Variants in SLIT2 observed in about 807,000 individuals in gnomAD.
The protein encoded by SLIT2 is slit guidance ligand 2, also known as slit homolog 2 protein.
In SLIT2, 41 loss-of-function variants were observed where a neutral mutation model predicts 185.7. The observed-to-expected ratio is 0.22, with a 90% CI of 0.17 to 0.29. SLIT2 has a LOEUF of 0.29. Among genes scored for constraint, SLIT2 ranks in the 10% least tolerant of loss-of-function variants. The probability of loss-of-function intolerance (pLI) is 1.00; values close to 1 mark genes in which losing one functional copy is unlikely to be tolerated. For missense variants in SLIT2, 1,571 were observed against 1,909.0 expected (o/e 0.82, Z 3.30); for synonymous variants, 693 against 680.2 (o/e 1.02, Z -0.29).
intron 32 of SLIT2, among the ~76,000 whole-genome samples, 158 bp from the exon 33 acceptor site, chr4:20,598,107 G>A (rs1018460386): frequency 2.0e-5 from 3 of 152,148 alleles, no homozygotes; most frequent in Non-Finnish European, 2.9e-5. Flanking sequence ...TTAAGAACAA[G>A]TCACCTTTCA....
chr4:20,546,241 G>A lies in SLIT2; in HGVS notation c.2345+142G>A, dbSNP rs946139360. 6 of 510,204 alleles carry A rather than the reference G, an allele frequency of 1.2e-5. No individual in the cohort carries two copies. In the South Asian group the frequency reaches 2.1e-4, roughly 18 times the overall value. The allele number at this position is 510,204 out of a possible 1,614,324, so 31.6% of individuals were successfully genotyped here. On this transcript the variant is annotated intron_variant, in intron 22 of 36. Coordinates refer to ENST00000504154, the MANE Select transcript of SLIT2 (RefSeq NM_004787.4). Reference sequence around the variant, plus strand: ...TTCCCTCCTTGCTCATTGCGGTTCTGGACCCCTGGCTACATCTTCATTGAA... The same window carrying A: ...TTCCCTCCTTGCTCATTGCGGTTCTAGACCCCTGGCTACATCTTCATTGAA...
At chr4:20,532,497 G>GTGTTACTACA (rs1268570651) in intron 17 of SLIT2, among the ~76,000 whole-genome samples, 24 of 151,890 alleles carry the variant, frequency 1.6e-4, no homozygotes, top group African/African-American at 5.6e-4. Flanking sequence ...TAGCTCATCT[G>GTGTTACTACA]TGTTACTACA....
chr4:20,556,993 C>T (rs778556813), intron 26 of SLIT2, among the ~76,000 whole-genome samples: 21 of 152,040 alleles, frequency 1.4e-4, no homozygotes, highest in Non-Finnish European at 1.9e-4. Context: ...AAACCCTAAC[C>T]TAAAGCAAGG....
In SLIT2 at chr4:20,534,467, A is replaced by G. The variant is rs1016141514; in HGVS notation, c.1832+752A>G. 3.3e-5 allele frequency among the ~76,000 whole-genome samples: 5 copies of G among 152,202 alleles called. No individual in the cohort carries two copies. The South Asian group carries it at 1.0e-3, about 32-fold the overall frequency. On this transcript the variant is annotated intron_variant, in intron 18 of 36. Coordinates refer to ENST00000504154, the MANE Select transcript of SLIT2 (RefSeq NM_004787.4). ...TCAAACATACTTACAACACTTTTGTATTACTTGAATTTTTCATGTGGCATA... is the reference window on the plus strand; with the variant it reads ...TCAAACATACTTACAACACTTTTGTGTTACTTGAATTTTTCATGTGGCATA...
chr4:20,262,933 A>G (rs1226333973), intron 3 of SLIT2, among the ~76,000 whole-genome samples: 4 of 151,740 alleles, frequency 2.6e-5, no homozygotes, highest in African/African-American at 9.7e-5. Flanking sequence ...CGACCATTTT[A>G]TAAATTCTGA....
chr4:20,430,073 A>G (rs1202888329), intron 4 of SLIT2, among the ~76,000 whole-genome samples: 2 of 152,188 alleles, frequency 1.3e-5, no homozygotes, highest in African/African-American at 2.4e-5. Context: ...TGTTGGCTGT[A>G]TCATACTGAA....
chr4:20,562,556 A>C (rs538806551), intron 26 of SLIT2, among the ~76,000 whole-genome samples: 1 of 151,902 alleles, frequency 6.6e-6, no homozygotes, highest in African/African-American at 2.4e-5. Flanking sequence ...CTCCTGCTAA[A>C]CTGTAAGTTT....
intron 32 of SLIT2, 119 bp from the exon 33 acceptor site, chr4:20,598,146 A>G (rs1728126895): frequency 3.6e-6 from 3 of 840,974 alleles, no homozygotes; most frequent in Admixed American, 2.8e-5. Context: ...GTTTTCTCAT[A>G]GCCATCAGGA....
intron 28 of SLIT2, among the ~76,000 whole-genome samples, 177 bp downstream of exon 28, chr4:20,567,792 T>C (rs1195398118): frequency 6.6e-6 from 1 of 152,090 alleles, no homozygotes; most frequent in Non-Finnish European, 1.5e-5. Context: ...ATGGAGACAC[T>C]ACAGCATTCT....
chr4:20,525,795 G>A (rs1476873249), intron 15 of SLIT2, among the ~76,000 whole-genome samples: 2 of 152,048 alleles, frequency 1.3e-5, no homozygotes, highest in African/African-American at 4.8e-5. Context: ...CCATAAAAAA[G>A]AATATTTATG....
intron 13 of SLIT2, 27 bp downstream of exon 13, chr4:20,523,930 T>G (rs776623799): frequency 6.2e-7 from 1 of 1,613,104 alleles, no homozygotes; most frequent in Non-Finnish European, 8.5e-7. Context: ...TGGATCACTT[T>G]TGATGACATT....
chr4:20,570,167 G>A (rs1170980810), intron 29 of SLIT2, among the ~76,000 whole-genome samples: 2 of 151,918 alleles, frequency 1.3e-5, no homozygotes, highest in Admixed American at 6.6e-5. Context: ...CACCAATAAA[G>A]CACCCAATGT....
At chr4:20,455,576 T>C (rs1368282340) in intron 4 of SLIT2, among the ~76,000 whole-genome samples, 2 of 152,164 alleles carry the variant, frequency 1.3e-5, no homozygotes, top group African/African-American at 4.8e-5. Flanking sequence ...AAATGTGTTA[T>C]ATTTATACAA....
At chr4:20,556,902 G>T (rs919297541) in intron 26 of SLIT2, among the ~76,000 whole-genome samples, 2 of 152,050 alleles carry the variant, frequency 1.3e-5, no homozygotes, top group African/African-American at 4.8e-5. Context: ...ATAAGAAAAT[G>T]AAACAGCCTT....
intron 4 of SLIT2, among the ~76,000 whole-genome samples, chr4:20,316,706 C>G (rs1028022397): frequency 6.6e-6 from 1 of 151,094 alleles, no homozygotes; most frequent in Non-Finnish European, 1.5e-5. Flanking sequence ...AAATATGATA[C>G]CAGAAAAGCT....
At position 20,353,534 on chromosome 4, in the gene SLIT2, AC is replaced by A. The variant is rs201972205; in HGVS notation, c.395+84654del. ...AATGAAGAATATTTATTTAAAAAAA[AC>A]AAAAAGCGGTTATTTTATGTAGAAC... On this transcript the variant is annotated intron_variant, in intron 4 of 36. Transcript: ENST00000504154. 6.0e-3 allele frequency among the ~76,000 whole-genome samples: 912 copies of A among 152,248 alleles called. 15 individuals carry two copies. Among genetic ancestry groups the A allele is most frequent in the African/African-American group, 0.021 (864 of 41,488 alleles).
rs1721568526 is a variant in SLIT2 at position 20,529,212 on chromosome 4, A to G, written c.1613+113A>G. 19 of 729,406 alleles carry G rather than the reference A, an allele frequency of 2.6e-5. No individual in the cohort carries two copies. In the South Asian group the frequency reaches 5.4e-4, roughly 21 times the overall value. 45.2% of individuals were successfully genotyped at this position (729,406 alleles called of 1,614,324 possible). A position where few individuals can be genotyped will look rare whatever the true frequency, so the allele number is the denominator to read the frequency against. ...ATTAATAATTGCATTAATTTTAATT[A>G]ATATGCATTACATTGGCATAACTCT... On this transcript the variant is annotated intron_variant, in intron 16 of 36. Coordinates refer to ENST00000504154, the MANE Select transcript of SLIT2 (RefSeq NM_004787.4).
Position 20,595,811 on chromosome 4 carries a change from G to A in SLIT2, c.3297G>A (p.Thr1099=), listed in dbSNP as rs750603170. 78 of 1,613,888 alleles carry A rather than the reference G, an allele frequency of 4.8e-5. No homozygotes were observed. Among genetic ancestry groups the A allele is most frequent in the Middle Eastern group, 1.6e-4 (1 of 6,082 alleles). The part of the protein sequence containing the change: ...AHCTDAVNGY[T]CICPEGYSGL... ...GCACAGATGCAGTGAACGGCTATAC[G>A]TGCATATGCCCCGAAGGTTACAGGT... is the stretch of plus-strand genomic sequence containing the variant. Residue 1099 remains threonine (T), a synonymous_variant, in exon 31 of 37, where the codon ACG becomes ACA. Coordinates refer to ENST00000504154, the MANE Select transcript of SLIT2 (RefSeq NM_004787.4).
At chr4:20,308,657 T>C (rs974827061) in intron 4 of SLIT2, among the ~76,000 whole-genome samples, 11 of 152,256 alleles carry the variant, frequency 7.2e-5, no homozygotes, top group African/African-American at 2.6e-4. Context: ...AATGGAATAC[T>C]TAATAGAAGG....
Sources: allele counts gnomAD v4.1 joint callset (sites outside exome capture counted in the v4.1 genomes callset), GRCh38; gene constraint gnomAD v4.1.1; transcripts MANE v1.5; gene names NCBI Gene and HGNC (gene_info 2026-07-23, HGNC 2026-07-21).